The following ZNF608 variants were observed in gnomAD, a reference collection of about 807,000 sequenced individuals.
ZNF608 encodes the protein renal carcinoma antigen NY-REN-36.
A neutral mutation model predicts 109.0 loss-of-function variants in ZNF608; 12 were observed. The ratio of observed to expected loss-of-function variants is 0.11; its 90% CI spans 0.07 to 0.18. The LOEUF is 0.18. Among genes scored for constraint, ZNF608 ranks in the 10% least tolerant of loss-of-function variants. The probability of loss-of-function intolerance (pLI) is 1.00; values close to 1 mark genes in which losing one functional copy is unlikely to be tolerated. For missense variants in ZNF608, 1,707 were observed against 1,879.3 expected (o/e 0.91, Z 1.70); for synonymous variants, 732 against 717.4 (o/e 1.02, Z -0.33).
At chr5:124,660,172 C>CTGTGTGTGTG (rs35200784) in intron 3 of ZNF608, among the ~76,000 whole-genome samples, 3,763 of 150,316 alleles carry the variant, frequency 0.025, 142 homozygotes, top group African/African-American at 0.086. Context: ...TCTCTTAACT[C>CTGTGTGTGTG]TGTGTGTGTG....
chr5:124,708,539 G>A (rs577274588), intron 2 of ZNF608, among the ~76,000 whole-genome samples: 7 of 152,308 alleles, frequency 4.6e-5, no homozygotes, highest in Admixed American at 3.9e-4. Context: ...TCAGAATAGT[G>A]AATCTCAGGC....
rs772205959 is a variant in ZNF608, at chr5:124,648,267, A to G, written c.2117T>C (p.Ile706Thr). The change falls in exon 5 of 10, where the codon ATT becomes ACT. Residue 706 changes from isoleucine (I) to threonine (T), a missense_variant. Physicochemically the swap from Ile to Thr is moderately conservative, Grantham distance 89. Coordinates refer to ENST00000513986, the MANE Select transcript of ZNF608 (RefSeq NM_020747.3). ...TTTATCTCCTAAATTTTTCTTGTCA[A>G]TTAATCCTTCTGCTTCCAGTTTAGG... Reference protein sequence around the residue: ...EMPKLEAEGLIDKKNLGDKEK... With the variant: ...EMPKLEAEGLTDKKNLGDKEK... 8.1e-6 allele frequency: 13 copies of G among 1,614,076 alleles called. No individual in the cohort carries two copies. Among genetic ancestry groups the G allele is most frequent in the South Asian group, 4.4e-5 (4 of 91,070 alleles).
chr5:124,702,974 G>C (rs896920329), intron 2 of ZNF608, among the ~76,000 whole-genome samples: 5 of 151,930 alleles, frequency 3.3e-5, no homozygotes, highest in African/African-American at 1.2e-4. Context: ...GGAAATTTAA[G>C]GGGGGAAAAA....
At chr5:124,660,172 CTG>C (rs35200784) in intron 3 of ZNF608, among the ~76,000 whole-genome samples, 15,165 of 150,066 alleles carry the variant, frequency 0.1, 1,634 homozygotes, top group African/African-American at 0.27. Flanking sequence ...TCTCTTAACT[CTG>C]TGTGTGTGTG....
chr5:124,677,029 T>TA (rs1329806224), intron 3 of ZNF608, among the ~76,000 whole-genome samples: 1 of 152,240 alleles, frequency 6.6e-6, no homozygotes, highest in Non-Finnish European at 1.5e-5. Context: ...TGATAGGAAA[T>TA]ATACGTTTGC....
chr5:124,747,454 T>A (rs1011735886), upstream of ZNF608, among the ~76,000 whole-genome samples: 2 of 151,766 alleles, frequency 1.3e-5, no homozygotes, highest in African/African-American at 4.8e-5. Flanking sequence ...ACCAACCATC[T>A]AAAAGGAGCG....
At chr5:124,747,297 A>G (rs1749673411), upstream of ZNF608, among the ~76,000 whole-genome samples, 1 of 150,028 alleles carries the variant, frequency 6.7e-6, no homozygotes, top group African/African-American at 2.5e-5. Flanking sequence ...GTGTTTAGTC[A>G]GATGGCCCCG....
chr5:124,674,999 T>G (rs1751880903), intron 3 of ZNF608, among the ~76,000 whole-genome samples: 2 of 152,184 alleles, frequency 1.3e-5, no homozygotes, highest in African/African-American at 4.8e-5. Context: ...AACAACTTAA[T>G]AAGCTTTTAT....
At chr5:124,683,478 TAA>T (rs1244969085) in intron 3 of ZNF608, among the ~76,000 whole-genome samples, 3 of 152,092 alleles carry the variant, frequency 2.0e-5, no homozygotes, top group Non-Finnish European at 2.9e-5. Flanking sequence ...CCTTCCATAA[TAA>T]AAAGTTACTA....
intron 3 of ZNF608, among the ~76,000 whole-genome samples, chr5:124,656,905 C>T (rs1751036305): frequency 6.6e-6 from 1 of 151,374 alleles, no homozygotes; most frequent in Admixed American, 6.6e-5. Context: ...CACAAAAGAA[C>T]ACAGAGCCAC....
In ZNF608 at chr5:124,648,112, T is replaced by C. The variant is rs201115844; in HGVS notation, c.2272A>G (p.Thr758Ala). The change falls in exon 5 of 10, where the codon ACA (threonine) becomes GCA (alanine). Residue 758 changes from threonine to alanine, a missense_variant. Around this residue, in one of 7 missense-constraint regions of ZNF608, gnomAD observed 1,073 missense variants for 1,133.5 expected, o/e 0.95. Transcript: ENST00000513986. Reference sequence around the variant, plus strand: ...GGTATTGTCCCAGTGGTGGTCGTTGTAAAGGTTGCAGTGGGTATAGCGATT... The same window carrying C: ...GGTATTGTCCCAGTGGTGGTCGTTGCAAAGGTTGCAGTGGGTATAGCGATT... The part of the protein sequence containing the change: ...QLIAIPTATF[T>A]TTTTGTIPGL... The C allele has an allele frequency of 3.5e-4, 571 of 1,613,478 alleles. 1 individual carries two copies. The highest frequency in any genetic ancestry group is 4.8e-4 in the Non-Finnish European group (561 of 1,179,904).
chr5:124,659,972 C>G (rs1188447618), intron 3 of ZNF608, among the ~76,000 whole-genome samples: 1 of 152,150 alleles, frequency 6.6e-6, no homozygotes, highest in African/African-American at 2.4e-5. Context: ...TATACCGGGC[C>G]CAGGAGAGCA....
chr5:124,700,891 G>T, intron 3 of ZNF608, 123 bp downstream of exon 3: 1 of 1,320,132 alleles, frequency 7.6e-7, no homozygotes. Context: ...TCCAGAGAGC[G>T]GAAATAAAAA....
At chr5:124,740,779 C>T (rs776384029) in intron 2 of ZNF608, among the ~76,000 whole-genome samples, 1 of 152,196 alleles carries the variant, frequency 6.6e-6, no homozygotes, top group Non-Finnish European at 1.5e-5. Context: ...AACTATATGA[C>T]CTCTTGTGCC....
chr5:124,641,024 G>A (rs1310885741), intron 8 of ZNF608, among the ~76,000 whole-genome samples: 2 of 152,130 alleles, frequency 1.3e-5, no homozygotes, highest in African/African-American at 2.4e-5. Context: ...GTAAGCTGCC[G>A]ATAACATCAA....
intron 3 of ZNF608, among the ~76,000 whole-genome samples, chr5:124,695,284 G>A (rs1331474869): frequency 1.3e-5 from 2 of 152,144 alleles, no homozygotes; most frequent in African/African-American, 4.8e-5. Context: ...GTAAAGTACT[G>A]TACCAACTCC....
At chr5:124,682,091 A>C (rs1448081395) in intron 3 of ZNF608, among the ~76,000 whole-genome samples, 1 of 152,072 alleles carries the variant, frequency 6.6e-6, no homozygotes, top group African/African-American at 2.4e-5. Flanking sequence ...TTCTTTTTTG[A>C]GATGGAGTTT....
intron 2 of ZNF608, among the ~76,000 whole-genome samples, chr5:124,725,264 C>G (rs971160383): frequency 6.6e-6 from 1 of 151,814 alleles, no homozygotes; most frequent in Non-Finnish European, 1.5e-5. Context: ...CCTTATAGCA[C>G]GTAACGCCAA....
chr5:124,727,443 A>G (rs988232826), intron 2 of ZNF608, among the ~76,000 whole-genome samples: 9 of 152,142 alleles, frequency 5.9e-5, no homozygotes, highest in Non-Finnish European at 1.3e-4. Flanking sequence ...TCTTTCTCAA[A>G]TCAATTTCAT....
Sources: gnomAD v4.1 joint callset for allele counts (sites outside exome capture counted in the v4.1 genomes callset) on GRCh38, gnomAD v4.1.1 for gene constraint, gnomAD v4.1.1 regional missense constraint, MANE v1.5 for transcripts, NCBI Gene and HGNC (gene_info 2026-07-23, HGNC 2026-07-21) for gene names.